ADCK2: variants seen among roughly 807,000 people sequenced by gnomAD.
The protein encoded by ADCK2 is uncharacterized aarF domain-containing protein kinase 2.
A neutral mutation model predicts 52.3 loss-of-function variants in ADCK2; 37 were observed. The observed-to-expected ratio is 0.71, with a 90% CI of 0.54 to 0.93. The LOEUF (loss-of-function observed/expected upper bound fraction) is 0.93. ADCK2 is among the 40% of genes least tolerant of loss of function. The pLI is 0.00. For synonymous variants in ADCK2, 321 were observed against 349.2 expected, an observed-to-expected ratio of 0.92 and a Z score of 0.90; for missense variants, 695 against 798.7, an observed-to-expected ratio of 0.87 and a Z score of 1.56.
rs776303315 is a variant in ADCK2, at chr7:140,673,875, C to T, written c.545C>T (p.Thr182Ile). 6.2e-7 allele frequency: 1 copy of T among 1,614,094 alleles called. No individual in the cohort carries two copies. Among genetic ancestry groups the T allele is most frequent in the South Asian group, 1.1e-5 (1 of 91,092 alleles). ...VRVTPHPWTH[T>I]ERFLRQAFGD... ...GTGACGCCCCACCCGTGGACTCACA[C>T]TGAGCGCTTCCTTCGGCAGGCTTTT... is the stretch of plus-strand genomic sequence containing the variant. The change falls in exon 1 of 8, where the codon ACT (threonine) becomes ATT (isoleucine). Residue 182 changes from threonine to isoleucine, a missense_variant. Thr to Ile is a moderately conservative substitution (Grantham distance 89). Coordinates refer to ENST00000072869, the MANE Select transcript of ADCK2 (RefSeq NM_052853.4). The surrounding 1 kb of genome is among the most constrained non-coding windows in gnomAD (Gnocchi z 6.4).
At chr7:140,680,287 A>G (rs1045482002) in intron 3 of ADCK2, among the ~76,000 whole-genome samples, 3 of 151,694 alleles carry the variant, frequency 2.0e-5, no homozygotes, top group Non-Finnish European at 2.9e-5. Flanking sequence ...CTGGGACCAT[A>G]GGCACGAGCC....
In ADCK2 at chr7:140,673,112, C is replaced by G. The variant is rs1312267421; in HGVS notation, c.-219C>G. 1 of 296,886 alleles carries G rather than the reference C, an allele frequency of 3.4e-6. No homozygotes were observed. The highest frequency in any genetic ancestry group is 5.6e-5 in the East Asian group (1 of 17,714). 18.4% of individuals were successfully genotyped at this position (296,886 alleles called of 1,614,324 possible). On this transcript the variant is annotated 5_prime_UTR_variant, in exon 1 of 8. Coordinates refer to ENST00000072869, the MANE Select transcript of ADCK2 (RefSeq NM_052853.4). This position sits in a 1 kb window ranked among gnomAD's most constrained non-coding sequence, Gnocchi z 6.4. ...CCGCAGTTGGTGCCGTCTGACAGCCCCTTCCGCGCGGCGCGGCGCGGCGCG... is the reference window on the plus strand; with the variant it reads ...CCGCAGTTGGTGCCGTCTGACAGCCGCTTCCGCGCGGCGCGGCGCGGCGCG...
intron 7 of ADCK2, among the ~76,000 whole-genome samples, chr7:140,694,304 A>G (rs1794758912): frequency 6.6e-6 from 1 of 152,188 alleles, no homozygotes; most frequent in Non-Finnish European, 1.5e-5. Context: ...AAATAAATAC[A>G]TACATACATA....
intron 4 of ADCK2, 54 bp from the exon 5 acceptor site, chr7:140,686,936 G>A (rs1010092086): frequency 6.3e-7 from 1 of 1,590,930 alleles, no homozygotes; most frequent in Non-Finnish European, 8.6e-7. Context: ...TTTCTCTGTA[G>A]GTTGGTGGTG....
At chr7:140,689,006 T>G (rs1794657278) in intron 5 of ADCK2, among the ~76,000 whole-genome samples, 1 of 151,990 alleles carries the variant, frequency 6.6e-6, no homozygotes, top group African/African-American at 2.4e-5. Context: ...CTCACTCTGT[T>G]CCCTGGGCTG....
rs369153140 is a variant in ADCK2 at position 140,674,017 on chromosome 7, C to G, written c.687C>G (p.Val229=). 11 of 1,614,002 alleles carry G rather than the reference C, an allele frequency of 6.8e-6. No individual in the cohort carries two copies. The highest frequency in any genetic ancestry group is 4.5e-5 in the East Asian group (2 of 44,902). Residue 229 remains valine (V), a synonymous_variant, in exon 1 of 8, where the codon GTC becomes GTG. Transcript: ENST00000072869. The surrounding 1 kb of genome is among the most constrained non-coding windows in gnomAD (Gnocchi z 4.6). ...ANTAFLETDS[V]QRLGRASCLP... is the part of the protein sequence containing the mutation. ...CTGCCTTCCTGGAGACTGACAGCGT[C>G]CAGAGACTTGGCAGGGCCTCCTGTC...
intron 5 of ADCK2, among the ~76,000 whole-genome samples, chr7:140,688,651 G>A (rs1009557563): frequency 4.6e-5 from 7 of 152,232 alleles, no homozygotes; most frequent in Non-Finnish European, 1.0e-4. Flanking sequence ...TGCCCCTGGT[G>A]TGTGCTACCT....
At chr7:140,688,047 T>G (rs975015912) in intron 5 of ADCK2, among the ~76,000 whole-genome samples, 1 of 150,918 alleles carries the variant, frequency 6.6e-6, no homozygotes, top group Non-Finnish European at 1.5e-5. Context: ...TCTGTCTCTG[T>G]CTTTTTTTTT....
rs1794450720 is a variant in ADCK2, at chr7:140,678,076, GA to G, written c.1081-1078del. 6.6e-6 allele frequency among the ~76,000 whole-genome samples: 1 copy of G among 152,296 alleles called. No individual in the cohort carries two copies. Among genetic ancestry groups the G allele is most frequent in the African/African-American group, 2.4e-5 (1 of 41,570 alleles). On this transcript the variant is annotated intron_variant, in intron 2 of 7. Coordinates refer to ENST00000072869, the MANE Select transcript of ADCK2 (RefSeq NM_052853.4). This position sits in a 1 kb window ranked among gnomAD's most constrained non-coding sequence, Gnocchi z 4.9. Reference sequence around the variant, plus strand: ...TTCACCATGCAGGTAATGGATTGGAGAGGAAGGATGGGTCAAGGAGCACACT... The same window carrying G: ...TTCACCATGCAGGTAATGGATTGGAGGGAAGGATGGGTCAAGGAGCACACT...
At position 140,690,783 on chromosome 7, in the gene ADCK2, T is replaced by C. The variant is rs1794690810; in HGVS notation, c.1710T>C (p.Ser570=). ...LEKLHVSSLL[S]SVFKLLMTHK... Reference sequence around the variant, plus strand: ...AGCTTCATGTGTCCAGCCTTCTCTCTAGTGTCTTTAAGTTGCTGATGACTC... The same window carrying C: ...AGCTTCATGTGTCCAGCCTTCTCTCCAGTGTCTTTAAGTTGCTGATGACTC... Residue 570 remains serine (S), a synonymous_variant, in exon 7 of 8, where the codon TCT becomes TCC. Transcript: ENST00000072869. The C allele has an allele frequency of 3.1e-6, 5 of 1,613,808 alleles. No homozygotes were observed. Among genetic ancestry groups the C allele is most frequent in the Non-Finnish European group, 4.2e-6 (5 of 1,179,942 alleles).
At position 140,674,270 on chromosome 7, in the gene ADCK2, G is replaced by T; in HGVS notation, c.933+7G>T. On this transcript the variant is annotated splice_region_variant and intron_variant, in intron 1 of 7. Transcript: ENST00000072869. This position sits in a 1 kb window ranked among gnomAD's most constrained non-coding sequence, Gnocchi z 4.6. ...CATCTCCGTGGCAGTGAAAGTAAGT[G>T]TTGTGAGAGCTCACAGCTCACCTAC... The T allele has an allele frequency of 6.2e-7, 1 of 1,605,600 alleles. No individual in the cohort carries two copies.
rs759955248 is a variant in ADCK2, at chr7:140,674,038, CT to C, written c.709del (p.Cys237ValfsTer14). ...DSVQRLGRASCLPPFSHTGAV... is the reference protein window; with the variant it reads ...DSVQRLGRASXLPPFSHTGAV... ...GCGTCCAGAGACTTGGCAGGGCCTC[CT>C]GTCTGCCGCCCTTCTCACATACTGG... On this transcript the variant is annotated frameshift_variant, in exon 1 of 8. Transcript: ENST00000072869. LOFTEE classifies it high-confidence loss of function. This position sits in a 1 kb window ranked among gnomAD's most constrained non-coding sequence, Gnocchi z 4.6. 3 of 1,614,026 alleles carry C rather than the reference CT, an allele frequency of 1.9e-6. No individual in the cohort carries two copies. In the East Asian group the frequency reaches 6.7e-5, roughly 36 times the overall value.
chr7:140,673,668 T>G lies in ADCK2; in HGVS notation c.338T>G (p.Leu113Arg), dbSNP rs1468260496. ...AGALLVKFFP[L>R]LLLYPLTYLA... ...GCTCTGTTGGTGAAATTCTTCCCCCTCCTACTCCTCTACCCCCTCACCTAC... is the reference window on the plus strand; with the variant it reads ...GCTCTGTTGGTGAAATTCTTCCCCCGCCTACTCCTCTACCCCCTCACCTAC... Residue 113 changes from leucine (L) to arginine (R), a missense_variant, in exon 1 of 8, where the codon CTC (leucine) becomes CGC (arginine). By Grantham distance (102) the Leu-to-Arg change is moderately radical (BLOSUM62 -2). Coordinates refer to ENST00000072869, the MANE Select transcript of ADCK2 (RefSeq NM_052853.4). The surrounding 1 kb of genome is among the most constrained non-coding windows in gnomAD (Gnocchi z 6.4). 6.2e-7 allele frequency: 1 copy of G among 1,610,596 alleles called. No homozygotes were observed. The highest frequency in any genetic ancestry group is 8.5e-7 in the Non-Finnish European group (1 of 1,179,802).
chr7:140,688,899 G>A (rs1055011813), intron 5 of ADCK2, among the ~76,000 whole-genome samples: 4 of 152,240 alleles, frequency 2.6e-5, no homozygotes, highest in Admixed American at 1.3e-4. Context: ...CCCTCTGGCC[G>A]GCTGGCAAAG....
At chr7:140,682,444 G>A (rs1255278024) in intron 4 of ADCK2, among the ~76,000 whole-genome samples, 2 of 152,178 alleles carry the variant, frequency 1.3e-5, no homozygotes, top group Admixed American at 6.5e-5. Context: ...GAGTTTGAAG[G>A]AGGGGGCAGT....
chr7:140,692,951 C>A (rs1794733414), intron 7 of ADCK2, among the ~76,000 whole-genome samples: 1 of 152,152 alleles, frequency 6.6e-6, no homozygotes, highest in African/African-American at 2.4e-5. Context: ...ACCAACAGTA[C>A]ACAAGGGGTC....
At chr7:140,681,405 C>T (rs1794514068) in intron 4 of ADCK2, among the ~76,000 whole-genome samples, 1 of 151,842 alleles carries the variant, frequency 6.6e-6, no homozygotes, top group Non-Finnish European at 1.5e-5. Context: ...GCAAGCTCTG[C>T]CTCCTGGGTT....
chr7:140,690,761 T>A lies in ADCK2; in HGVS notation c.1688T>A (p.Leu563His). 1 of 1,613,698 alleles carries A rather than the reference T, an allele frequency of 6.2e-7. No homozygotes were observed. The highest frequency in any genetic ancestry group is 8.5e-7 in the Non-Finnish European group (1 of 1,179,904). ...ARKNTITLEKLHVSSLLSSVF... is the reference protein window; with the variant it reads ...ARKNTITLEKHHVSSLLSSVF... Reference sequence around the variant, plus strand: ...TTAGCCTTTATTTTGTTTTTCCAGCTTCATGTGTCCAGCCTTCTCTCTAGT... The same window carrying A: ...TTAGCCTTTATTTTGTTTTTCCAGCATCATGTGTCCAGCCTTCTCTCTAGT... The change falls in exon 7 of 8, where the codon CTT becomes CAT. Residue 563 changes from leucine (L) to histidine (H), a missense_variant and splice_region_variant. Transcript: ENST00000072869.
rs145763170 is a variant in ADCK2 at position 140,678,475 on chromosome 7, C to G, written c.1081-680C>G. On this transcript the variant is annotated intron_variant, in intron 2 of 7. Coordinates refer to ENST00000072869, the MANE Select transcript of ADCK2 (RefSeq NM_052853.4). This position sits in a 1 kb window ranked among gnomAD's most constrained non-coding sequence, Gnocchi z 4.9. Reference sequence around the variant, plus strand: ...TGGCTGTCAAGGGGACACACACGCTCACTTCGGTCAGGAGAAAGGACATCA... The same window carrying G: ...TGGCTGTCAAGGGGACACACACGCTGACTTCGGTCAGGAGAAAGGACATCA... Among the ~76,000 whole-genome samples, 121 of 152,226 alleles carry G rather than the reference C, an allele frequency of 7.9e-4. No individual in the cohort carries two copies. The highest frequency in any genetic ancestry group is 2.8e-3 in the African/African-American group (117 of 41,526).
Sources: gnomAD v4.1 joint callset for allele counts (sites outside exome capture counted in the v4.1 genomes callset) on GRCh38, gnomAD v4.1.1 for gene constraint, Gnocchi (gnomAD v3.1) non-coding constraint, MANE v1.5 for transcripts, NCBI Gene and HGNC (gene_info 2026-07-23, HGNC 2026-07-21) for gene names.